Variants in CACNB4 observed in about 807,000 individuals in gnomAD.
The protein encoded by CACNB4 is voltage-dependent L-type calcium channel subunit beta-4.
CACNB4 carries 32 observed loss-of-function variants against 71.2 expected under a neutral mutation model. That is an observed-to-expected ratio of 0.45 (90% CI 0.34 to 0.60). The LOEUF (loss-of-function observed/expected upper bound fraction) is 0.60. Ranked by LOEUF, CACNB4 falls within the 20% of genes least tolerant of loss-of-function variation. The probability of loss-of-function intolerance (pLI) is 0.01; values close to 1 mark genes in which losing one functional copy is unlikely to be tolerated. For missense variants in CACNB4, 464 were observed against 647.9 expected (o/e 0.72, Z 3.08); for synonymous variants, 231 against 236.9 (o/e 0.97, Z 0.23).
In CACNB4 at chr2:152,098,222, C is replaced by A; in HGVS notation, c.147+108G>T. 2 of 794,610 alleles carry A rather than the reference C, an allele frequency of 2.5e-6. No homozygotes were observed. Among genetic ancestry groups the A allele is most frequent in the Non-Finnish European group, 2.1e-6 (1 of 477,050 alleles). The allele number at this position is 794,610 out of a possible 1,614,324, so 49.2% of individuals were successfully genotyped here. A position where few individuals can be genotyped will look rare whatever the true frequency, so the allele number is the denominator to read the frequency against. On this transcript the variant is annotated intron_variant, in intron 2 of 13. Coordinates refer to ENST00000539935, the MANE Select transcript of CACNB4 (RefSeq NM_000726.5). The surrounding 1 kb of genome is among the most constrained non-coding windows in gnomAD (Gnocchi z 5.3). ...GGCCGAGGCCGGGAAGAGACGCGCG[C>A]GGGCTTGACCCGCAGCTCCCGCACG... is the stretch of plus-strand genomic sequence containing the variant.
At chr2:151,935,342 T>TA (rs1373875776) in intron 2 of CACNB4, among the ~76,000 whole-genome samples, 2 of 152,242 alleles carry the variant, frequency 1.3e-5, no homozygotes, top group Non-Finnish European at 2.9e-5. Flanking sequence ...TCATTCGTAA[T>TA]AAGGCAACTC....
chr2:152,041,216 C>T (rs781700734), intron 2 of CACNB4, among the ~76,000 whole-genome samples: 1 of 152,178 alleles, frequency 6.6e-6, no homozygotes, highest in Non-Finnish European at 1.5e-5. Flanking sequence ...ATTTGCTAAT[C>T]CCAAAGTATT....
chr2:151,872,230 AT>A, intron 6 of CACNB4, 186 bp downstream of exon 6: 1 of 568,186 alleles, frequency 1.8e-6, no homozygotes, highest in Non-Finnish European at 3.1e-6. Flanking sequence ...AATGACATGA[AT>A]TTTTAATACC....
At chr2:151,998,131 TGGC>T (rs1682171958) in intron 2 of CACNB4, among the ~76,000 whole-genome samples, 1 of 152,108 alleles carries the variant, frequency 6.6e-6, no homozygotes. Context: ...AAGACCAGCC[TGGC>T]CAACATGGTG....
At position 151,870,582 on chromosome 2, in the gene CACNB4, T is replaced by C. The variant is rs1005212680; in HGVS notation, c.648A>G (p.Val216=). The change falls in exon 8 of 14, where the codon GTA becomes GTG. Residue 216 remains valine, a synonymous_variant. Transcript: ENST00000539935. Reference sequence around the variant, plus strand: ...CTAACACCACCGGACGCATTGACGGTACAACATCGTAAGGAGGAATGTGCT... The same window carrying C: ...CTAACACCACCGGACGCATTGACGGCACAACATCGTAAGGAGGAATGTGCT... ...VTEHIPPYDV[V]PSMRPVVLVG... is the part of the protein sequence containing the mutation. The C allele has an allele frequency of 1.2e-6, 2 of 1,613,850 alleles. No individual in the cohort carries two copies. Among genetic ancestry groups the C allele is most frequent in the East Asian group, 4.5e-5 (2 of 44,878 alleles).
rs1682443832 is a variant in CACNB4, at chr2:152,001,884, C to T, written c.147+96446G>A. ...AATGGTCAGCAAGAGCTATCCTCAT[C>T]AGGAGGATGCCAATGCAAAAATAGC... On this transcript the variant is annotated intron_variant, in intron 2 of 13. Transcript: ENST00000539935. Among the ~76,000 whole-genome samples, 6 of 152,142 alleles carry T rather than the reference C, an allele frequency of 3.9e-5. No homozygotes were observed. The South Asian group carries it at 1.2e-3, about 31-fold the overall frequency.
At chr2:151,991,642 T>C (rs1194083692) in intron 2 of CACNB4, among the ~76,000 whole-genome samples, 2 of 152,242 alleles carry the variant, frequency 1.3e-5, no homozygotes, top group African/African-American at 2.4e-5. Context: ...GGCTTCTGAA[T>C]GTCTTCTTTT....
At chr2:151,844,699 C>T (rs2099837087) in intron 12 of CACNB4, among the ~76,000 whole-genome samples, 1 of 152,148 alleles carries the variant, frequency 6.6e-6, no homozygotes, top group Non-Finnish European at 1.5e-5. Context: ...GAGACAAGGA[C>T]AGCTACACCC....
intron 2 of CACNB4, among the ~76,000 whole-genome samples, chr2:152,058,194 T>C (rs1055229148): frequency 6.6e-6 from 1 of 152,144 alleles, no homozygotes; most frequent in Non-Finnish European, 1.5e-5. Context: ...TAAACCTCTA[T>C]CCTTTATAAA....
chr2:151,902,438 C>T (rs887664945), intron 2 of CACNB4, among the ~76,000 whole-genome samples: 7 of 152,176 alleles, frequency 4.6e-5, no homozygotes, highest in South Asian at 4.2e-4. Flanking sequence ...AGTCCCCTAG[C>T]GAAAATGTTC....
In CACNB4 at chr2:151,882,100, C is replaced by CT. The variant is rs1412487802; in HGVS notation, c.267+1150dup. Reference sequence around the variant, plus strand: ...TTCACCATGTTGGCCAGGCTGGTCTCTAACTCCTGACCTCATGATCTGCCC... The same window carrying CT: ...TTCACCATGTTGGCCAGGCTGGTCTCTTAACTCCTGACCTCATGATCTGCCC... On this transcript the variant is annotated intron_variant, in intron 3 of 13. Coordinates refer to ENST00000539935, the MANE Select transcript of CACNB4 (RefSeq NM_000726.5). Among the ~76,000 whole-genome samples the CT allele has an allele frequency of 2.0e-5, 3 of 150,894 alleles. 1 individual carries two copies. The highest frequency in any genetic ancestry group is 7.3e-5 in the African/African-American group (3 of 40,950).
At chr2:152,086,002 T>A (rs1206885565) in intron 2 of CACNB4, among the ~76,000 whole-genome samples, 2 of 152,138 alleles carry the variant, frequency 1.3e-5, no homozygotes, top group African/African-American at 2.4e-5. Context: ...CACTCTTTGG[T>A]GTCTTCTTAC....
At chr2:151,992,899 G>T (rs10176783) in intron 2 of CACNB4, among the ~76,000 whole-genome samples, 85,496 of 152,110 alleles carry the variant, frequency 0.56, 26,370 homozygotes, top group South Asian at 0.75. Context: ...GAAATATTCC[G>T]CTTCCTAAAT....
chr2:151,935,844 A>T (rs887576957), intron 2 of CACNB4, among the ~76,000 whole-genome samples: 1 of 152,240 alleles, frequency 6.6e-6, no homozygotes. Flanking sequence ...CAACTTTTCA[A>T]AAAGCTTTCC....
chr2:151,906,152 A>G (rs1053394161), intron 2 of CACNB4, among the ~76,000 whole-genome samples: 8 of 152,254 alleles, frequency 5.3e-5, no homozygotes, highest in African/African-American at 1.9e-4. Context: ...GGGACGCTAC[A>G]TCAACAGAAA....
chr2:151,964,365 T>G (rs762303641), intron 2 of CACNB4, among the ~76,000 whole-genome samples: 1 of 152,198 alleles, frequency 6.6e-6, no homozygotes, highest in Non-Finnish European at 1.5e-5. Context: ...TAAATATTCC[T>G]GTTTGTCAAT....
chr2:151,961,448 C>T (rs1396830019), intron 2 of CACNB4, among the ~76,000 whole-genome samples: 1 of 152,168 alleles, frequency 6.6e-6, no homozygotes, highest in East Asian at 1.9e-4. Flanking sequence ...TGAAGGTCTT[C>T]GTCAAAGCAA....
chr2:151,862,322 T>C (rs1251053127), intron 9 of CACNB4, among the ~76,000 whole-genome samples: 3 of 152,224 alleles, frequency 2.0e-5, no homozygotes, highest in African/African-American at 7.2e-5. Flanking sequence ...CCTCAGATGG[T>C]TGGAAATCAT....
chr2:152,043,040 G>A (rs547924218), intron 2 of CACNB4, among the ~76,000 whole-genome samples: 15 of 152,228 alleles, frequency 9.9e-5, no homozygotes, highest in African/African-American at 2.4e-4. Flanking sequence ...CCATGGCAAC[G>A]TCAGGAAGTT....
Sources: allele counts gnomAD v4.1 joint callset (sites outside exome capture counted in the v4.1 genomes callset), GRCh38; gene constraint gnomAD v4.1.1; non-coding constraint Gnocchi (gnomAD v3.1); transcripts MANE v1.5; gene names NCBI Gene and HGNC (gene_info 2026-07-23, HGNC 2026-07-21).